ASIC2: variants seen among roughly 807,000 people sequenced by gnomAD.
ASIC2 encodes the protein acid sensing ion channel subunit 2, also known as acid-sensing ion channel 2.
A neutral mutation model predicts 57.3 loss-of-function variants in ASIC2; 25 were observed. That is an observed-to-expected ratio of 0.44 (90% CI 0.32 to 0.61). ASIC2 has a LOEUF of 0.61. Among genes scored for constraint, ASIC2 ranks in the 20% least tolerant of loss-of-function variants. The pLI, the probability that ASIC2 is intolerant of heterozygous loss-of-function variation, is 0.06. For synonymous variants in ASIC2, 319 were observed against 307.5 expected (o/e 1.04, Z -0.39); for missense variants, 641 against 738.1 (o/e 0.87, Z 1.52).
Position 33,675,600 on chromosome 17 carries a change from G to T in ASIC2, c.555+480378C>A, listed in dbSNP as rs189394592. On this transcript the variant is annotated intron_variant, in intron 1 of 9. Coordinates refer to the ASIC2 transcript ENST00000359872. ...TAAATTAAAAAAAAATTGATACAGG[G>T]TCTCTGGGTCACCCAGGCTGGAGTG... 4.4e-3 allele frequency among the ~76,000 whole-genome samples: 676 copies of T among 152,180 alleles called. 2 individuals are homozygous for T. Among genetic ancestry groups the T allele is most frequent in the African/African-American group, 0.015 (638 of 41,498 alleles).
rs2142183054 is a variant in ASIC2 at position 33,291,968 on chromosome 17, C to T, written c.148G>A (p.Gly50Arg). The T allele has an allele frequency of 3.0e-6, 4 of 1,331,408 alleles. No individual in the cohort carries two copies. Among genetic ancestry groups the T allele is most frequent in the Non-Finnish European group, 2.9e-6 (3 of 1,052,274 alleles). The allele number at this position is 1,331,408 out of a possible 1,614,324, so 82.5% of individuals were successfully genotyped here. Residue 50 changes from glycine (G) to arginine (R), a missense_variant, in exon 1 of 10, where the codon GGG becomes AGG. Around this residue, in one of 3 missense-constraint regions of ASIC2, gnomAD observed 382 missense variants for 398.0 expected, o/e 0.96. Transcript: ENST00000225823. The part of the protein sequence containing the change: ...GGRGGERALQ[G>R]PGVARRGRPS... ...CGCCCCCTGCGGGCGACCCCTGGCC[C>T]CTGCAGCGCCCGCTCGCCGCCTCTG... is the stretch of plus-strand genomic sequence containing the variant.
intron 1 of ASIC2, among the ~76,000 whole-genome samples, chr17:33,375,784 G>A (rs866982318): frequency 7.9e-5 from 12 of 152,174 alleles, no homozygotes; most frequent in African/African-American, 2.9e-4. Context: ...GCAATGCAAG[G>A]TATCGAAAAG....
intron 1 of ASIC2, among the ~76,000 whole-genome samples, chr17:33,815,177 C>G (rs1414847): frequency 6.6e-6 from 1 of 151,966 alleles, no homozygotes; most frequent in African/African-American, 2.4e-5. Flanking sequence ...CTTTAAATTT[C>G]TCAGTTTCCC....
chr17:33,517,048 G>T (rs1463347364), intron 1 of ASIC2, among the ~76,000 whole-genome samples: 2 of 152,186 alleles, frequency 1.3e-5, no homozygotes, highest in Non-Finnish European at 2.9e-5. Flanking sequence ...TCTAGATGTT[G>T]TTTCTTTGCT....
intron 1 of ASIC2, among the ~76,000 whole-genome samples, chr17:33,189,554 A>C (rs999704556): frequency 6.6e-6 from 1 of 152,170 alleles, no homozygotes; most frequent in Non-Finnish European, 1.5e-5. Context: ...TGCGAGACCC[A>C]ACTATAGGCA....
chr17:33,351,323 C>T (rs1485410983), intron 1 of ASIC2, among the ~76,000 whole-genome samples: 4 of 152,090 alleles, frequency 2.6e-5, no homozygotes, highest in Non-Finnish European at 4.4e-5. Context: ...GTCTAAGCAC[C>T]ATGAGCAGCC....
intron 1 of ASIC2, among the ~76,000 whole-genome samples, chr17:33,506,605 A>C (rs1483492119): frequency 6.6e-6 from 1 of 152,184 alleles, no homozygotes; most frequent in Non-Finnish European, 1.5e-5. Flanking sequence ...ACATGCACAC[A>C]ATCTGTAGTG....
intron 1 of ASIC2, among the ~76,000 whole-genome samples, chr17:33,643,373 G>A (rs1450445860): frequency 6.6e-6 from 1 of 152,154 alleles, no homozygotes; most frequent in Admixed American, 6.5e-5. Flanking sequence ...TTTTCTATGT[G>A]TTATTTTACT....
chr17:33,113,149 A>T (rs1487006722), intron 1 of ASIC2, among the ~76,000 whole-genome samples: 1 of 152,154 alleles, frequency 6.6e-6, no homozygotes, highest in Non-Finnish European at 1.5e-5. Flanking sequence ...AAGCCCAGGG[A>T]AAGGAATGCA....
intron 1 of ASIC2, among the ~76,000 whole-genome samples, chr17:33,930,765 G>C (rs1473369961): frequency 6.6e-6 from 1 of 152,230 alleles, no homozygotes; most frequent in Non-Finnish European, 1.5e-5. Flanking sequence ...GGAGCCATGT[G>C]TGAGTCCAGG....
chr17:33,215,032 C>T (rs543693394), intron 1 of ASIC2, among the ~76,000 whole-genome samples: 31 of 152,280 alleles, frequency 2.0e-4, no homozygotes, highest in South Asian at 6.2e-4. Flanking sequence ...TACATGAAGA[C>T]GAAGCCCTGT....
At chr17:33,136,121 G>A (rs1027815567) in intron 1 of ASIC2, among the ~76,000 whole-genome samples, 5 of 152,182 alleles carry the variant, frequency 3.3e-5, no homozygotes, top group Admixed American at 6.5e-5. Flanking sequence ...ATGTGTTCCC[G>A]TGTGCACGTG....
At chr17:34,113,175 G>A (rs1911326356) in intron 1 of ASIC2, among the ~76,000 whole-genome samples, 1 of 152,208 alleles carries the variant, frequency 6.6e-6, no homozygotes, top group Non-Finnish European at 1.5e-5. Context: ...CCCAAGGAGA[G>A]GAGCTCTTTG....
At chr17:33,971,347 G>T (rs1905224315) in intron 1 of ASIC2, among the ~76,000 whole-genome samples, 1 of 152,152 alleles carries the variant, frequency 6.6e-6, no homozygotes, top group South Asian at 2.1e-4. Flanking sequence ...GCAACCTTCA[G>T]AAGGCTTGAG....
At chr17:33,353,035 G>A (rs578112092) in intron 1 of ASIC2, among the ~76,000 whole-genome samples, 1 of 152,258 alleles carries the variant, frequency 6.6e-6, no homozygotes, top group African/African-American at 2.4e-5. Context: ...TGGATTCTGA[G>A]CTCCTTAAGC....
intron 1 of ASIC2, among the ~76,000 whole-genome samples, chr17:34,048,308 C>T (rs1451647291): frequency 2.0e-5 from 3 of 152,148 alleles, no homozygotes; most frequent in African/African-American, 7.2e-5. Context: ...AAATTTGGTT[C>T]GGAGAAATAA....
At chr17:33,929,344 G>C (rs574985954) in intron 1 of ASIC2, among the ~76,000 whole-genome samples, 1 of 152,302 alleles carries the variant, frequency 6.6e-6, no homozygotes, top group East Asian at 1.9e-4. Flanking sequence ...CTACTTGACT[G>C]TGTCTCCCAC....
At chr17:34,052,618 CTT>C (rs554412437) in intron 1 of ASIC2, among the ~76,000 whole-genome samples, 160 of 142,264 alleles carry the variant, frequency 1.1e-3, no homozygotes, top group African/African-American at 3.8e-3. Flanking sequence ...ATGAATCTCA[CTT>C]TTTTTTTTTT....
intron 1 of ASIC2, among the ~76,000 whole-genome samples, chr17:33,134,944 G>T (rs1026690791): frequency 2.0e-5 from 3 of 152,214 alleles, no homozygotes; most frequent in African/African-American, 7.2e-5. Flanking sequence ...GGATAGCAGA[G>T]AAATATTACC....
Sources: allele counts gnomAD v4.1 joint callset (sites outside exome capture counted in the v4.1 genomes callset), GRCh38; gene constraint gnomAD v4.1.1; regional missense constraint gnomAD v4.1.1; transcripts MANE v1.5; gene names NCBI Gene and HGNC (gene_info 2026-07-23, HGNC 2026-07-21).